The following PCNT variants were observed in gnomAD, a reference collection of about 807,000 sequenced individuals.
PCNT encodes the protein pericentrin, also known as kendrin.
In PCNT, 319 loss-of-function variants were observed where a neutral mutation model predicts 380.4. The observed-to-expected ratio is 0.84, with a 90% CI of 0.77 to 0.92. PCNT has a LOEUF of 0.92. Ranked by LOEUF, PCNT falls within the 40% of genes least tolerant of loss-of-function variation. The pLI is 0.00. For synonymous variants in PCNT, 1,845 were observed against 1,735.2 expected (o/e 1.06, Z -1.57); for missense variants, 4,400 against 4,255.3 (o/e 1.03, Z -0.95).
chr21:46,386,823 G>A (rs1295099003), intron 17 of PCNT, among the ~76,000 whole-genome samples: 2 of 152,194 alleles, frequency 1.3e-5, no homozygotes, highest in Admixed American at 6.5e-5. Flanking sequence ...CAGTGGACTC[G>A]GCACTGTGTT....
chr21:46,434,689 A>C (rs1317139995), intron 38 of PCNT, among the ~76,000 whole-genome samples: 1 of 152,184 alleles, frequency 6.6e-6, no homozygotes, highest in East Asian at 1.9e-4. Context: ...CGTCCTGCAG[A>C]AGGAAAGGCT....
In PCNT at chr21:46,438,276, G is replaced by A. The variant is rs1455899311; in HGVS notation, c.9212G>A (p.Arg3071Lys). 4 of 1,614,088 alleles carry A rather than the reference G, an allele frequency of 2.5e-6. No individual in the cohort carries two copies. The highest frequency in any genetic ancestry group is 1.3e-5 in the African/African-American group (1 of 74,938). ...TVTQEKLELS[R>K]AVSKLEKLLK... ...ACCCAGGAGAAGCTGGAGCTGAGCA[G>A]AGCCGTGTCTAAGCTTGAGAAGTTG... The change falls in exon 41 of 47, where the codon AGA (arginine) becomes AAA (lysine). Residue 3071 changes from arginine (R) to lysine (K), a missense_variant. By Grantham distance (26) the Arg-to-Lys change is conservative. Coordinates refer to ENST00000359568, the MANE Select transcript of PCNT (RefSeq NM_006031.6).
rs138227887 is a variant in PCNT, at chr21:46,416,429, C to G, written c.6511C>G (p.Pro2171Ala). The G allele has an allele frequency of 4.3e-6, 7 of 1,614,052 alleles. No homozygotes were observed. In the African/African-American group the frequency reaches 9.3e-5, roughly 22 times the overall value. The change falls in exon 30 of 47, where the codon CCA becomes GCA. Residue 2171 changes from proline to alanine, a missense_variant. By Grantham distance (27) the Pro-to-Ala change is conservative (BLOSUM62 -1). Coordinates refer to ENST00000359568, the MANE Select transcript of PCNT (RefSeq NM_006031.6). The stretch of plus-strand genomic sequence containing the variant: ...TATCAAAAATTGGGATTCCTTGATA[C>G]CAGATGAAATGCCAGATTCTCCCAT... Reference protein sequence around the residue: ...DVIKNWDSLIPDEMPDSPIQE... With the variant: ...DVIKNWDSLIADEMPDSPIQE...
chr21:46,339,896 T>C (rs905873860), intron 3 of PCNT, among the ~76,000 whole-genome samples: 3 of 152,330 alleles, frequency 2.0e-5, no homozygotes, highest in Non-Finnish European at 4.4e-5. Flanking sequence ...GATGCTTTTC[T>C]CATCTGTTGC....
intron 15 of PCNT, 90 bp downstream of exon 15, chr21:46,367,229 C>T: frequency 9.5e-7 from 1 of 1,051,222 alleles, no homozygotes; most frequent in Non-Finnish European, 1.4e-6. Context: ...TGCGTGCGTG[C>T]TGTGTGTGCC....
In PCNT at chr21:46,438,342, G is replaced by C. The variant is rs1310931308; in HGVS notation, c.9273+5G>C. On this transcript the variant is annotated splice_donor_5th_base_variant and intron_variant, in intron 41 of 46. Transcript: ENST00000359568. ...CAGAAGGGCTGCAGCCCAAGCGTAG[G>C]TGTCTGTGCTTAACTCTTACCTGCC... The C allele has an allele frequency of 6.2e-7, 1 of 1,613,626 alleles. No homozygotes were observed. The highest frequency in any genetic ancestry group is 8.5e-7 in the Non-Finnish European group (1 of 1,179,654).
chr21:46,353,031 G>C, intron 9 of PCNT, 73 bp from the exon 10 acceptor site: 2 of 1,263,380 alleles, frequency 1.6e-6, no homozygotes, highest in Non-Finnish European at 2.3e-6. Flanking sequence ...CAGGTAACCA[G>C]GCTCTTGCCT....
intron 25 of PCNT, among the ~76,000 whole-genome samples, chr21:46,400,600 C>T (rs1343591005): frequency 7.7e-6 from 1 of 130,134 alleles, no homozygotes; most frequent in Non-Finnish European, 1.7e-5. Context: ...CTCACAGCAA[C>T]CTCCTCCTCC....
intron 31 of PCNT, among the ~76,000 whole-genome samples, chr21:46,419,810 G>A (rs940340813): frequency 6.6e-5 from 10 of 151,878 alleles, no homozygotes; most frequent in Non-Finnish European, 1.3e-4. Flanking sequence ...GCGTAGTCTC[G>A]ACTCACTGCA....
chr21:46,397,217 C>T (rs887981617), intron 21 of PCNT, 48 bp from the exon 22 acceptor site: 9 of 1,443,592 alleles, frequency 6.2e-6, no homozygotes, highest in Non-Finnish European at 8.8e-6. Context: ...ATGCACCAGC[C>T]TCTGAGGTGC....
At chr21:46,337,093 G>T (rs1318143321) in intron 3 of PCNT, among the ~76,000 whole-genome samples, 1 of 151,776 alleles carries the variant, frequency 6.6e-6, no homozygotes, top group African/African-American at 2.4e-5. Flanking sequence ...TGCCTCCTGG[G>T]CTCAAGTGAT....
intron 46 of PCNT, among the ~76,000 whole-genome samples, 181 bp downstream of exon 46, chr21:46,445,002 C>T (rs1036284240): frequency 1.3e-4 from 20 of 152,148 alleles, no homozygotes; most frequent in African/African-American, 4.6e-4. Flanking sequence ...AAGTCTAAGC[C>T]AGTGTACTCA....
chr21:46,437,146 T>C, intron 40 of PCNT, 65 bp downstream of exon 40: 1 of 1,027,504 alleles, frequency 9.7e-7, no homozygotes, highest in Non-Finnish European at 1.5e-6. Flanking sequence ...TCTCGGCAGC[T>C]TTGTGGTTCT....
rs113641207 is a variant in PCNT at position 46,347,142 on chromosome 21, C to T, written c.976+144C>T. 6.9e-5 allele frequency: 75 copies of T among 1,084,444 alleles called. No homozygotes were observed. The African/African-American group carries it at 1.0e-3, about 15-fold the overall frequency. The allele number at this position is 1,084,444 out of a possible 1,614,324, so 67.2% of individuals were successfully genotyped here. A position where few individuals can be genotyped will look rare whatever the true frequency, so the allele number is the denominator to read the frequency against. On this transcript the variant is annotated intron_variant, in intron 5 of 46. Coordinates refer to ENST00000359568, the MANE Select transcript of PCNT (RefSeq NM_006031.6). ...TCAGCACCTTGCCTGGTGTCTGGCA[C>T]CATGAGAGGGGTGAACAAAGGGGGC...
chr21:46,326,143 C>T (rs989918684), intron 1 of PCNT, among the ~76,000 whole-genome samples: 3 of 152,190 alleles, frequency 2.0e-5, no homozygotes, highest in Non-Finnish European at 2.9e-5. Context: ...TTCTGCCAAT[C>T]AGCCGTATGG....
At chr21:46,364,217 C>G (rs984228322) in intron 14 of PCNT, among the ~76,000 whole-genome samples, 3 of 152,140 alleles carry the variant, frequency 2.0e-5, no homozygotes, top group African/African-American at 7.2e-5. Context: ...CCCGGAGCCC[C>G]CTGGCCGCAG....
intron 15 of PCNT, among the ~76,000 whole-genome samples, chr21:46,372,763 A>C (rs1390052886): frequency 1.3e-5 from 2 of 152,162 alleles, no homozygotes; most frequent in African/African-American, 4.8e-5. Flanking sequence ...TTGTTTCTTC[A>C]CGTGGACAGC....
chr21:46,406,838 G>A (rs978824098), intron 27 of PCNT, among the ~76,000 whole-genome samples: 1 of 152,176 alleles, frequency 6.6e-6, no homozygotes, highest in African/African-American at 2.4e-5. Flanking sequence ...CTACTAATAA[G>A]GTTAACTTTA....
intron 15 of PCNT, among the ~76,000 whole-genome samples, chr21:46,380,900 C>T (rs866415373): frequency 6.6e-6 from 1 of 152,098 alleles, no homozygotes; most frequent in Non-Finnish European, 1.5e-5. Flanking sequence ...TGCAGTGGCT[C>T]ACACCTGTAA....
Sources: allele counts gnomAD v4.1 joint callset (sites outside exome capture counted in the v4.1 genomes callset), GRCh38; gene constraint gnomAD v4.1.1; transcripts MANE v1.5; gene names NCBI Gene and HGNC (gene_info 2026-07-23, HGNC 2026-07-21).